ALKBH1: variants seen among roughly 807,000 people sequenced by gnomAD.
ALKBH1 encodes alkB homolog 1, histone H2A dioxygenase, also known as nucleic acid dioxygenase ALKBH1.
A neutral mutation model predicts 36.6 loss-of-function variants in ALKBH1; 31 were observed. That is an observed-to-expected ratio of 0.85 (90% CI 0.64 to 1.14). The LOEUF (loss-of-function observed/expected upper bound fraction) is 1.14. Ranked by LOEUF, ALKBH1 falls within the 50% of genes most tolerant of loss-of-function variation. The pLI is 0.00. For synonymous variants in ALKBH1, 183 were observed against 186.6 expected (o/e 0.98, Z 0.16); for missense variants, 490 against 497.3 (o/e 0.99, Z 0.14).
At chr14:77,683,729 G>T (rs1431511849) in intron 3 of ALKBH1, 1 of 203,706 alleles carries the variant, frequency 4.9e-6, no homozygotes, top group Non-Finnish European at 9.9e-6. Context: ...GCACCACCAC[G>T]CCTGGCTAAT....
At chr14:77,704,225 G>A (rs910831624) in intron 2 of ALKBH1, 144 bp downstream of exon 2, 29 of 650,286 alleles carry the variant, frequency 4.5e-5, no homozygotes, top group Middle Eastern at 5.1e-4. Flanking sequence ...GTACAGTCTA[G>A]AATGGGTTTG....
intron 1 of ALKBH1, among the ~76,000 whole-genome samples, chr14:77,705,132 A>C (rs547509029): frequency 6.6e-6 from 1 of 152,250 alleles, no homozygotes; most frequent in South Asian, 2.1e-4. Context: ...TGAAAAGAGA[A>C]GGCCGGTCGC....
intron 3 of ALKBH1, among the ~76,000 whole-genome samples, chr14:77,685,621 T>C (rs1167455395): frequency 6.8e-6 from 1 of 146,892 alleles, no homozygotes; most frequent in Non-Finnish European, 1.5e-5. Context: ...CTACTAAAAA[T>C]ACAAAAAATT....
intron 4 of ALKBH1, among the ~76,000 whole-genome samples, chr14:77,679,426 G>A (rs771632104): frequency 6.6e-6 from 1 of 151,838 alleles, no homozygotes; most frequent in African/African-American, 2.4e-5. Context: ...GATACCTGAG[G>A]AGAGATTTTT....
intron 1 of ALKBH1, among the ~76,000 whole-genome samples, chr14:77,706,705 A>T (rs1052299315): frequency 1.3e-5 from 2 of 152,210 alleles, no homozygotes; most frequent in African/African-American, 4.8e-5. Flanking sequence ...AGGTAAAAGG[A>T]GCTGAATGAG....
At chr14:77,679,786 C>A in intron 4 of ALKBH1, 94 bp downstream of exon 4, 1 of 948,486 alleles carries the variant, frequency 1.1e-6, no homozygotes, top group Non-Finnish European at 1.6e-6. Context: ...AATGTATAAT[C>A]TTGATATCTT....
intron 2 of ALKBH1, among the ~76,000 whole-genome samples, chr14:77,698,741 G>A (rs1226017172): frequency 6.6e-6 from 1 of 152,144 alleles, no homozygotes; most frequent in Non-Finnish European, 1.5e-5. Context: ...GTAAAGACTA[G>A]GCTTCGACAG....
intron 3 of ALKBH1, among the ~76,000 whole-genome samples, chr14:77,686,140 C>G (rs1221869185): frequency 6.6e-6 from 1 of 152,166 alleles, no homozygotes; most frequent in African/African-American, 2.4e-5. Context: ...TATTTAAGGA[C>G]CCTTCTGGTT....
rs539756975 is a variant in ALKBH1, at chr14:77,703,902, C to A, written c.292+467G>T. ...CATGAGCCACCACGCCTGGCGAGGA[C>A]TTTTGATGTCATTAATTGTAATTCT... On this transcript the variant is annotated intron_variant, in intron 2 of 5. Coordinates refer to ENST00000216489, the MANE Select transcript of ALKBH1 (RefSeq NM_006020.3). 2.0e-5 allele frequency among the ~76,000 whole-genome samples: 3 copies of A among 151,992 alleles called. No individual in the cohort carries two copies. The South Asian group carries it at 6.2e-4, about 32-fold the overall frequency.
chr14:77,678,505 G>A (rs1467757682), intron 4 of ALKBH1, among the ~76,000 whole-genome samples: 1 of 147,434 alleles, frequency 6.8e-6, no homozygotes, highest in African/African-American at 2.5e-5. Context: ...TAGTGATTGT[G>A]CCACTGCACT....
At chr14:77,677,593 C>A (rs548589417) in intron 4 of ALKBH1, among the ~76,000 whole-genome samples, 93 of 152,310 alleles carry the variant, frequency 6.1e-4, no homozygotes, top group African/African-American at 2.2e-3. Context: ...CTAGCTGAAG[C>A]AGCAGTCATA....
intron 2 of ALKBH1, 141 bp from the exon 3 acceptor site, chr14:77,695,041 T>TCA: frequency 3.4e-6 from 2 of 591,356 alleles, no homozygotes; most frequent in Non-Finnish European, 5.2e-6. Context: ...AATGAACAGG[T>TCA]AGGTTTTGAT....
intron 4 of ALKBH1, among the ~76,000 whole-genome samples, chr14:77,678,952 A>T (rs1228836993): frequency 6.6e-6 from 1 of 152,048 alleles, no homozygotes; most frequent in African/African-American, 2.4e-5. Flanking sequence ...AGTAGCTGGA[A>T]CCACAGGCAT....
intron 3 of ALKBH1, among the ~76,000 whole-genome samples, chr14:77,687,598 T>C (rs1490837232): frequency 6.6e-6 from 1 of 152,202 alleles, no homozygotes; most frequent in African/African-American, 2.4e-5. Context: ...TTTACACCAC[T>C]ACTGAATCTA....
chr14:77,705,285 C>T lies in ALKBH1; in HGVS notation c.184-808G>A, dbSNP rs867149939. On this transcript the variant is annotated intron_variant, in intron 1 of 5. Transcript: ENST00000216489. ...AAAATTAGTTGGGTGTAGTGGCGGG[C>T]GCCTGAAATCCCAGCTACGAGAGGC... 4.3e-3 allele frequency among the ~76,000 whole-genome samples: 649 copies of T among 151,146 alleles called. 3 individuals carry two copies. The highest frequency in any genetic ancestry group is 0.015 in the African/African-American group (605 of 41,278).
chr14:77,702,928 G>A (rs2080367426), intron 2 of ALKBH1, among the ~76,000 whole-genome samples: 2 of 152,122 alleles, frequency 1.3e-5, no homozygotes, highest in South Asian at 2.1e-4. Flanking sequence ...ACCGAGGCGG[G>A]TGGATCACTT....
In ALKBH1 at chr14:77,672,485, A is replaced by C. The variant is rs1165674354; in HGVS notation, c.*1327T>G. ...CTCAATATTCAATGCCAGTAATTTA[A>C]AAAAGGGGCAGAGCAGGACAGAGGA... On this transcript the variant is annotated 3_prime_UTR_variant, in exon 6 of 6. Transcript: ENST00000216489. 6.6e-6 allele frequency: 1 copy of C among 152,274 alleles called. No individual in the cohort carries two copies. The highest frequency in any genetic ancestry group is 1.5e-5 in the Non-Finnish European group (1 of 68,068). The allele number at this position is 152,274 out of a possible 1,614,324, so 9.4% of individuals were successfully genotyped here.
intron 2 of ALKBH1, among the ~76,000 whole-genome samples, chr14:77,701,724 A>G (rs1382125283): frequency 6.6e-6 from 1 of 152,202 alleles, no homozygotes; most frequent in African/African-American, 2.4e-5. Context: ...TTTGGACATT[A>G]TATTTCTATT....
At chr14:77,700,317 G>T (rs2080352561) in intron 2 of ALKBH1, among the ~76,000 whole-genome samples, 1 of 152,118 alleles carries the variant, frequency 6.6e-6, no homozygotes, top group Non-Finnish European at 1.5e-5. Flanking sequence ...AGATAGCTTA[G>T]AGATATTCAA....
Sources: allele counts gnomAD v4.1 joint callset (sites outside exome capture counted in the v4.1 genomes callset), GRCh38; gene constraint gnomAD v4.1.1; transcripts MANE v1.5; gene names NCBI Gene and HGNC (gene_info 2026-07-23, HGNC 2026-07-21).